The following ABHD2 variants were observed in gnomAD, a reference collection of about 807,000 sequenced individuals.
ABHD2 encodes the protein abhydrolase domain containing 2, acylglycerol lipase.
In ABHD2, 20 loss-of-function variants were observed where a neutral mutation model predicts 48.1. The ratio of observed to expected loss-of-function variants is 0.42; its 90% CI spans 0.29 to 0.60. ABHD2 has a LOEUF of 0.60. Ranked by LOEUF, ABHD2 falls within the 20% of genes least tolerant of loss-of-function variation. ABHD2 has a pLI of 0.24. For missense variants in ABHD2, 405 were observed against 550.9 expected (o/e 0.74, Z 2.65); for synonymous variants, 209 against 214.2 (o/e 0.98, Z 0.21).
chr15:89,065,822 G>A, the ABHD2 span, among the ~76,000 whole-genome samples: 3 of 152,112 alleles, frequency 2.0e-5, no homozygotes, highest in African/African-American at 7.2e-5. Context: ...TCCTAATGCA[G>A]GATCCCAGGG....
upstream of ABHD2, chr15:89,088,174 A>C (rs1596050715): frequency 6.6e-6 from 1 of 151,338 alleles, no homozygotes; most frequent in Non-Finnish European, 1.5e-5. The surrounding 1 kb of genome is among the most constrained non-coding windows in gnomAD (Gnocchi z 6.8). Flanking sequence ...TTCCCCGCCC[A>C]CTCCGGGCTG....
At chr15:89,126,247 T>C (rs1386443090) in intron 3 of ABHD2, among the ~76,000 whole-genome samples, 1 of 152,244 alleles carries the variant, frequency 6.6e-6, no homozygotes, top group Non-Finnish European at 1.5e-5. Context: ...GGTCCTGTTT[T>C]GAGTCACCCC....
rs560006316 is a variant in ABHD2 at position 89,145,655 on chromosome 15, C to G, written c.195-6022C>G. ...CTTTCTAAGGGCATACAAATTTCCC[C>G]TTGGGGAAGTTCTTCTCTCCCACTG... On this transcript the variant is annotated intron_variant, in intron 3 of 10. Coordinates refer to ENST00000352732, the MANE Select transcript of ABHD2 (RefSeq NM_152924.5). 4.6e-5 allele frequency among the ~76,000 whole-genome samples: 7 copies of G among 152,350 alleles called. No individual in the cohort carries two copies. In the South Asian group the frequency reaches 1.2e-3, roughly 27 times the overall value.
At chr15:89,191,573 A>G (rs2051305675) in intron 9 of ABHD2, among the ~76,000 whole-genome samples, 1 of 151,842 alleles carries the variant, frequency 6.6e-6, no homozygotes, top group Non-Finnish European at 1.5e-5. Context: ...GTAAGCACAG[A>G]GTAAAACTGA....
chr15:89,117,192 A>C (rs2049974942), intron 3 of ABHD2, among the ~76,000 whole-genome samples: 1 of 152,072 alleles, frequency 6.6e-6, no homozygotes, highest in African/African-American at 2.4e-5. Context: ...TGCCCGGCTA[A>C]TTTTTGTATT....
At chr15:89,178,344 C>T (rs1261580344) in intron 6 of ABHD2, among the ~76,000 whole-genome samples, 1 of 151,640 alleles carries the variant, frequency 6.6e-6, no homozygotes, top group East Asian at 1.9e-4. Context: ...TTTTTTTTTC[C>T]TGCCAAGGCT....
chr15:89,158,201 A>T (rs1053841911), intron 5 of ABHD2, among the ~76,000 whole-genome samples: 2 of 152,178 alleles, frequency 1.3e-5, no homozygotes, highest in African/African-American at 4.8e-5. Flanking sequence ...ACAGCAACCC[A>T]TGGGACCGTA....
chr15:89,126,592 T>C (rs1457417085), intron 3 of ABHD2, among the ~76,000 whole-genome samples: 1 of 152,218 alleles, frequency 6.6e-6, no homozygotes, highest in Non-Finnish European at 1.5e-5. Flanking sequence ...TTCACTATGA[T>C]AGTACACTTT....
In ABHD2 at chr15:89,189,174, G is replaced by A. The variant is rs115227474; in HGVS notation, c.926+871G>A. Among the ~76,000 whole-genome samples the A allele has an allele frequency of 2.7e-3, 413 of 152,208 alleles. 1 individual carries two copies. The highest frequency in any genetic ancestry group is 6.1e-3 in the African/African-American group (252 of 41,532). ...TGATCTCATCATTCTCTTTAAATAC[G>A]TGATCCTTTTCATTTAACAATCATT... On this transcript the variant is annotated intron_variant, in intron 8 of 10. Coordinates refer to ENST00000352732, the MANE Select transcript of ABHD2 (RefSeq NM_152924.5). This position sits in a 1 kb window ranked among gnomAD's most constrained non-coding sequence, Gnocchi z 4.9.
chr15:89,198,022 C>T lies in ABHD2; in HGVS notation c.*2599C>T, dbSNP rs1471933045. ...GGCATTGAATTCACAGAGCTGCAAA[C>T]TTGCCTGATAAATGAGGGAGTGGCA... On this transcript the variant is annotated 3_prime_UTR_variant, in exon 11 of 11. Transcript: ENST00000352732. The surrounding 1 kb of genome is among the most constrained non-coding windows in gnomAD (Gnocchi z 5.1). 6.6e-6 allele frequency: 1 copy of T among 152,172 alleles called. No individual in the cohort carries two copies. The highest frequency in any genetic ancestry group is 1.5e-5 in the Non-Finnish European group (1 of 68,040). 9.4% of individuals were successfully genotyped at this position (152,172 alleles called of 1,614,324 possible).
chr15:89,052,218 C>T, the ABHD2 span, among the ~76,000 whole-genome samples: 1 of 152,090 alleles, frequency 6.6e-6, no homozygotes, highest in Non-Finnish European at 1.5e-5. Context: ...TGGACCTGCC[C>T]TAGGTCAAGG....
chr15:89,050,604 G>A, the ABHD2 span, among the ~76,000 whole-genome samples: 3 of 152,168 alleles, frequency 2.0e-5, no homozygotes, highest in Non-Finnish European at 4.4e-5. Flanking sequence ...ATCTGTTCCC[G>A]TTTTTGTTGG....
chr15:89,109,086 A>G (rs531365086), intron 1 of ABHD2, among the ~76,000 whole-genome samples: 1 of 152,240 alleles, frequency 6.6e-6, no homozygotes, highest in Non-Finnish European at 1.5e-5. Context: ...CAGAGCCCCC[A>G]GACTGGAGCT....
At chr15:89,123,759 G>A (rs1391049681) in intron 3 of ABHD2, among the ~76,000 whole-genome samples, 1 of 151,598 alleles carries the variant, frequency 6.6e-6, no homozygotes, top group Admixed American at 6.6e-5. Context: ...CACCATGGCT[G>A]GCTAATTTTT....
In ABHD2 at chr15:89,151,159, G is replaced by T. The variant is rs2050584557; in HGVS notation, c.195-518G>T. Among the ~76,000 whole-genome samples the T allele has an allele frequency of 6.6e-6, 1 of 152,224 alleles. No homozygotes were observed. The highest frequency in any genetic ancestry group is 1.5e-5 in the Non-Finnish European group (1 of 68,044). On this transcript the variant is annotated intron_variant, in intron 3 of 10. Transcript: ENST00000352732. This position sits in a 1 kb window ranked among gnomAD's most constrained non-coding sequence, Gnocchi z 4.7. ...GCCCTCACCCCACAAGGCACTTACA[G>T]GCTCTTAGAAGAATTTGCAGCCCTT...
At chr15:89,072,711 T>C in the ABHD2 span, among the ~76,000 whole-genome samples, 4 of 152,168 alleles carry the variant, frequency 2.6e-5, no homozygotes, top group African/African-American at 9.7e-5. Context: ...CTACATGATA[T>C]CTTTGGTATT....
At chr15:89,117,600 C>T (rs148076598) in intron 3 of ABHD2, among the ~76,000 whole-genome samples, 6 of 152,336 alleles carry the variant, frequency 3.9e-5, no homozygotes, top group African/African-American at 9.6e-5. Flanking sequence ...TCTGCCTGTG[C>T]CTTCTCAGGC....
rs186174925 is a variant in ABHD2 at position 89,094,867 on chromosome 15, A to G, written c.-107+6304A>G. Among the ~76,000 whole-genome samples, 2 of 152,152 alleles carry G rather than the reference A, an allele frequency of 1.3e-5. No homozygotes were observed. The highest frequency in any genetic ancestry group is 2.9e-5 in the Non-Finnish European group (2 of 67,994). ...CACTTGAGACCAGGAGTTCGAGACCAGCCTGGCCAACATGATGAAACCCCA... is the reference window on the plus strand; with the variant it reads ...CACTTGAGACCAGGAGTTCGAGACCGGCCTGGCCAACATGATGAAACCCCA... On this transcript the variant is annotated intron_variant, in intron 1 of 10. Coordinates refer to ENST00000352732, the MANE Select transcript of ABHD2 (RefSeq NM_152924.5). The surrounding 1 kb of genome is among the most constrained non-coding windows in gnomAD (Gnocchi z 4.7).
the ABHD2 span, among the ~76,000 whole-genome samples, chr15:89,047,380 T>G: frequency 6.6e-6 from 1 of 152,096 alleles, no homozygotes; most frequent in East Asian, 1.9e-4. Context: ...TCTGTTGATT[T>G]GGGGTGGAGA....
Sources: allele counts gnomAD v4.1 joint callset (sites outside exome capture counted in the v4.1 genomes callset), GRCh38; gene constraint gnomAD v4.1.1; non-coding constraint Gnocchi (gnomAD v3.1); transcripts MANE v1.5; gene names NCBI Gene and HGNC (gene_info 2026-07-23, HGNC 2026-07-21).